The following CACNA2D4 variants were observed in gnomAD, a reference collection of about 807,000 sequenced individuals.
CACNA2D4 encodes the protein voltage-dependent calcium channel subunit alpha-2/delta-4.
CACNA2D4 carries 157 observed loss-of-function variants against 163.8 expected under a neutral mutation model. The ratio of observed to expected loss-of-function variants is 0.96; its 90% confidence interval spans 0.84 to 1.09. The LOEUF (loss-of-function observed/expected upper bound fraction) is 1.09. CACNA2D4 is among the 50% of genes least tolerant of loss of function. CACNA2D4 has a pLI of 0.00. For missense variants in CACNA2D4, 1,410 were observed against 1,479.9 expected (o/e 0.95, Z 0.78); for synonymous variants, 598 against 586.9 (o/e 1.02, Z -0.27).
In CACNA2D4 at chr12:1,844,844, G is replaced by A. The variant is rs948943616; in HGVS notation, c.2343-315C>T. 5.9e-5 allele frequency among the ~76,000 whole-genome samples: 9 copies of A among 152,138 alleles called. No homozygotes were observed. The highest frequency in any genetic ancestry group is 1.9e-4 in the African/African-American group (8 of 41,402). On this transcript the variant is annotated intron_variant, in intron 24 of 37. Transcript: ENST00000382722. This position sits in a 1 kb window ranked among gnomAD's most constrained non-coding sequence, Gnocchi z 4.2. ...AGCCCAATTTCTTCTTGTCTGGCTC[G>A]TTGGCACGTCTGAGGGAGGAAGCTG...
chr12:1,914,491 C>T (rs1342869669), intron 2 of CACNA2D4, among the ~76,000 whole-genome samples: 1 of 152,138 alleles, frequency 6.6e-6, no homozygotes, highest in African/African-American at 2.4e-5. Context: ...GGGCCCTGCA[C>T]GTGCCCTCCA....
Position 1,795,732 on chromosome 12 carries a change from C to G in CACNA2D4, c.3162G>C (p.Val1054=). 6.2e-7 allele frequency: 1 copy of G among 1,613,776 alleles called. No individual in the cohort carries two copies. Among genetic ancestry groups the G allele is most frequent in the South Asian group, 1.1e-5 (1 of 91,072 alleles). ...QIPNSNLLLL[V]TDPTCDCSIF... ...TGCTGCAGTCACAGGTGGGGTCTGT[C>G]ACCAGGAGGAGGAGGTTACTGTTGG... Residue 1054 remains valine, a synonymous_variant, in exon 36 of 38, where the codon GTG becomes GTC. Transcript: ENST00000382722.
At chr12:1,835,706 C>T (rs1016241919) in intron 26 of CACNA2D4, 2 of 152,748 alleles carry the variant, frequency 1.3e-5, no homozygotes, top group Admixed American at 1.3e-4. Flanking sequence ...CGGGATACCA[C>T]CCAGGGGCCT....
intron 25 of CACNA2D4, among the ~76,000 whole-genome samples, chr12:1,842,161 C>T (rs1490718377): frequency 6.6e-6 from 1 of 152,154 alleles, no homozygotes; most frequent in African/African-American, 2.4e-5. Flanking sequence ...GCCTGGCTCA[C>T]CGTGGCTACC....
At chr12:1,795,588 G>T in intron 36 of CACNA2D4, 80 bp downstream of exon 36, 1 of 1,065,782 alleles carries the variant, frequency 9.4e-7, no homozygotes, top group Non-Finnish European at 1.4e-6. Flanking sequence ...GGCTGGCCCC[G>T]CTGCTCAAAA....
At chr12:1,863,240 T>C (rs1481230334) in intron 18 of CACNA2D4, among the ~76,000 whole-genome samples, 4 of 152,218 alleles carry the variant, frequency 2.6e-5, no homozygotes, top group African/African-American at 7.2e-5. Flanking sequence ...ATTGATAATA[T>C]ATGTGTGGGC....
chr12:1,909,794 T>G, intron 4 of CACNA2D4, 112 bp downstream of exon 4: 1 of 828,198 alleles, frequency 1.2e-6, no homozygotes, highest in South Asian at 1.5e-5. Context: ...GCAGTAAATG[T>G]CTATGGAATC....
At position 1,828,229 on chromosome 12, in the gene CACNA2D4, T is replaced by C. The variant is rs781183447; in HGVS notation, c.2551+12510A>G. 69 of 1,489,908 alleles carry C rather than the reference T, an allele frequency of 4.6e-5. 1 individual carries two copies. In the South Asian group the frequency reaches 6.7e-4, roughly 15 times the overall value. The allele number at this position is 1,489,908 out of a possible 1,614,324, so 92.3% of individuals were successfully genotyped here. On this transcript the variant is annotated intron_variant, in intron 26 of 37. Coordinates refer to ENST00000382722, the MANE Select transcript of CACNA2D4 (RefSeq NM_172364.5). The surrounding 1 kb of genome is among the most constrained non-coding windows in gnomAD (Gnocchi z 4.2). Reference sequence around the variant, plus strand: ...GGCAAGTCTCCTGTGAGTACACCCCTGGCCTCGGAGGGGGGTGCGGGTTGG... The same window carrying C: ...GGCAAGTCTCCTGTGAGTACACCCCCGGCCTCGGAGGGGGGTGCGGGTTGG...
rs983582237 is a variant in CACNA2D4, at chr12:1,878,403, GGGTGGA to G, written c.1645-20_1645-15del. The stretch of plus-strand genomic sequence containing the variant: ...GTGCACTCCAAGCTGCCAGAGTCCA[GGGTGGA>G]GGCGCATTAGGCCTGCTGTTTGTGC... On this transcript the variant is annotated splice_polypyrimidine_tract_variant and intron_variant, in intron 15 of 37. Transcript: ENST00000382722. This position sits in a 1 kb window ranked among gnomAD's most constrained non-coding sequence, Gnocchi z 4.6. 1.1e-5 allele frequency: 17 copies of G among 1,590,358 alleles called. No individual in the cohort carries two copies. The African/African-American group carries it at 1.6e-4, about 15-fold the overall frequency.
At chr12:1,871,019 A>C (rs7131989) in intron 18 of CACNA2D4, among the ~76,000 whole-genome samples, 120,795 of 152,238 alleles carry the variant, frequency 0.79, 48,164 homozygotes, top group East Asian at 0.88. Flanking sequence ...AGCTGCTCTG[A>C]ATGCCAGCCG....
At chr12:1,918,013 C>T (rs536984960) in intron 1 of CACNA2D4, 2 of 500,416 alleles carry the variant, frequency 4.0e-6, no homozygotes, top group East Asian at 3.8e-5. Context: ...AGCCATCCGG[C>T]TCCTGGGGAG....
Position 1,875,177 on chromosome 12 carries a change from C to T in CACNA2D4, c.1806+74G>A. 2.9e-6 allele frequency: 3 copies of T among 1,049,694 alleles called. No individual in the cohort carries two copies. The highest frequency in any genetic ancestry group is 4.5e-6 in the Non-Finnish European group (3 of 669,822). The allele number at this position is 1,049,694 out of a possible 1,614,324, so 65.0% of individuals were successfully genotyped here. A position where few individuals can be genotyped will look rare whatever the true frequency, so the allele number is the denominator to read the frequency against. On this transcript the variant is annotated intron_variant, in intron 17 of 37. Transcript: ENST00000382722. The surrounding 1 kb of genome is among the most constrained non-coding windows in gnomAD (Gnocchi z 4.0). ...AGGAACAGAGTGACCTCAAAGCTCA[C>T]AGCCACACAGCTGACCCATTTAGTT...
In CACNA2D4 at chr12:1,878,078, C is replaced by T. The variant is rs1453232234; in HGVS notation, c.1719+237G>A. Among the ~76,000 whole-genome samples, 2 of 152,200 alleles carry T rather than the reference C, an allele frequency of 1.3e-5. No individual in the cohort carries two copies. On this transcript the variant is annotated intron_variant, in intron 16 of 37. Coordinates refer to ENST00000382722, the MANE Select transcript of CACNA2D4 (RefSeq NM_172364.5). This position sits in a 1 kb window ranked among gnomAD's most constrained non-coding sequence, Gnocchi z 4.6. ...TCTTTAGCCTCAAAACTGCACACTT[C>T]GTTACGTGCTCTCTGGCCCACTCAT...
chr12:1,887,730 A>G (rs1463701800), intron 6 of CACNA2D4, among the ~76,000 whole-genome samples: 1 of 152,228 alleles, frequency 6.6e-6, no homozygotes, highest in Admixed American at 6.5e-5. Flanking sequence ...GAAAACACTG[A>G]CATGATCCAC....
At position 1,834,586 on chromosome 12, in the gene CACNA2D4, G is replaced by A. The variant is rs772385861; in HGVS notation, c.2551+6153C>T. The A allele has an allele frequency of 4.4e-6, 7 of 1,600,584 alleles. No individual in the cohort carries two copies. In the South Asian group the frequency reaches 6.6e-5, roughly 15 times the overall value. ...GCGGCGTCGTCTGCATCATGATGGT[G>A]GTGGCCGCTGCCTATGGCTGCATCT... On this transcript the variant is annotated intron_variant, in intron 26 of 37. Coordinates refer to ENST00000382722, the MANE Select transcript of CACNA2D4 (RefSeq NM_172364.5). The surrounding 1 kb of genome is among the most constrained non-coding windows in gnomAD (Gnocchi z 7.6).
chr12:1,808,483 G>T (rs1477792226), intron 29 of CACNA2D4, among the ~76,000 whole-genome samples: 1 of 152,244 alleles, frequency 6.6e-6, no homozygotes, highest in African/African-American at 2.4e-5. Context: ...ATCGCCCATG[G>T]CTGCTTTCTT....
At chr12:1,853,370 T>C (rs1388302243) in intron 23 of CACNA2D4, among the ~76,000 whole-genome samples, 2 of 152,204 alleles carry the variant, frequency 1.3e-5, no homozygotes, top group African/African-American at 2.4e-5. Context: ...TTTTTAATTT[T>C]CTAGTATCTA....
At chr12:1,804,488 T>C (rs1863453238) in intron 29 of CACNA2D4, among the ~76,000 whole-genome samples, 1 of 152,236 alleles carries the variant, frequency 6.6e-6, no homozygotes, top group Non-Finnish European at 1.5e-5. Flanking sequence ...ATGTGTATCC[T>C]GGACACTAGA....
At chr12:1,913,437 C>G (rs534969344) in intron 2 of CACNA2D4, among the ~76,000 whole-genome samples, 51 of 152,360 alleles carry the variant, frequency 3.3e-4, no homozygotes, top group African/African-American at 9.9e-4. Context: ...AGGTCAACAG[C>G]CAGGTGAGCA....
Sources: gnomAD v4.1 joint callset for allele counts (sites outside exome capture counted in the v4.1 genomes callset) on GRCh38, gnomAD v4.1.1 for gene constraint, Gnocchi (gnomAD v3.1) non-coding constraint, MANE v1.5 for transcripts, NCBI Gene and HGNC (gene_info 2026-07-23, HGNC 2026-07-21) for gene names.